SPOCK1: variants seen among roughly 807,000 people sequenced by gnomAD.
SPOCK1 encodes SPARC (osteonectin), cwcv and kazal like domains proteoglycan 1, also known as testican-1.
A neutral mutation model predicts 55.3 loss-of-function variants in SPOCK1; 23 were observed. The observed-to-expected ratio is 0.42, with a 90% confidence interval of 0.30 to 0.59. The LOEUF (loss-of-function observed/expected upper bound fraction) is 0.59. Ranked by LOEUF, SPOCK1 falls within the 20% of genes least tolerant of loss-of-function variation. SPOCK1 has a pLI of 0.22. For synonymous variants in SPOCK1, 226 were observed against 221.0 expected, an observed-to-expected ratio of 1.02 and a Z score of -0.20; for missense variants, 499 against 552.5, an observed-to-expected ratio of 0.90 and a Z score of 0.97.
intron 3 of SPOCK1, among the ~76,000 whole-genome samples, chr5:137,182,306 C>T (rs1456129934): frequency 2.6e-5 from 4 of 152,196 alleles, no homozygotes; most frequent in Non-Finnish European, 5.9e-5. Flanking sequence ...CGGGTCTTTG[C>T]TCCTGCAGTG....
At chr5:137,266,311 A>G (rs904849500) in intron 3 of SPOCK1, among the ~76,000 whole-genome samples, 2 of 152,290 alleles carry the variant, frequency 1.3e-5, no homozygotes, top group Non-Finnish European at 2.9e-5. Context: ...AGTGCAATCT[A>G]CCATCATTTT....
chr5:137,211,027 C>T (rs924802125), intron 3 of SPOCK1, among the ~76,000 whole-genome samples: 2 of 152,174 alleles, frequency 1.3e-5, no homozygotes, highest in African/African-American at 4.8e-5. Context: ...GAGAGACAAG[C>T]TGGGGTCATA....
chr5:137,377,429 TC>T (rs1430860813), intron 2 of SPOCK1, among the ~76,000 whole-genome samples: 1 of 152,204 alleles, frequency 6.6e-6, no homozygotes. Flanking sequence ...TATAAATTCC[TC>T]CTCTCAAGGG....
chr5:137,098,016 T>C (rs990482324), intron 5 of SPOCK1, among the ~76,000 whole-genome samples: 1 of 152,160 alleles, frequency 6.6e-6, no homozygotes, highest in Admixed American at 6.5e-5. Context: ...GGGGGAGGAC[T>C]GGTGTGCTAC....
chr5:137,372,126 C>T (rs953859945), intron 2 of SPOCK1, among the ~76,000 whole-genome samples: 4 of 152,158 alleles, frequency 2.6e-5, no homozygotes, highest in African/African-American at 9.7e-5. Flanking sequence ...CCAGCACGTC[C>T]CACTGTGAGC....
At chr5:137,252,431 G>A (rs555080820) in intron 3 of SPOCK1, among the ~76,000 whole-genome samples, 1 of 152,338 alleles carries the variant, frequency 6.6e-6, no homozygotes, top group East Asian at 1.9e-4. Context: ...AGCAGCCACT[G>A]AGAATATTGT....
chr5:137,179,880 C>G (rs989288987), intron 3 of SPOCK1, among the ~76,000 whole-genome samples: 3 of 152,172 alleles, frequency 2.0e-5, no homozygotes, highest in African/African-American at 7.2e-5. Context: ...GTGTCATGTG[C>G]TCCTTGAAGA....
At chr5:137,023,009 A>G (rs529855056) in intron 6 of SPOCK1, among the ~76,000 whole-genome samples, 1 of 152,262 alleles carries the variant, frequency 6.6e-6, no homozygotes, top group South Asian at 2.1e-4. Context: ...CCTAGCAAAT[A>G]AGAGAGGCAG....
chr5:137,006,539 A>C (rs1462252943), intron 6 of SPOCK1, among the ~76,000 whole-genome samples: 1 of 152,148 alleles, frequency 6.6e-6, no homozygotes, highest in Non-Finnish European at 1.5e-5. Flanking sequence ...ATTTTTGCAC[A>C]TTGATTTTGT....
intron 2 of SPOCK1, among the ~76,000 whole-genome samples, chr5:137,301,266 G>C (rs555209124): frequency 6.6e-6 from 1 of 152,200 alleles, no homozygotes; most frequent in Non-Finnish European, 1.5e-5. Context: ...CCTGGACAAA[G>C]AGCAGATCCC....
At position 136,978,599 on chromosome 5, in the gene SPOCK1, A is replaced by T. The variant is rs914368313; in HGVS notation, c.*55T>A. On this transcript the variant is annotated 3_prime_UTR_variant, in exon 11 of 11. Coordinates refer to ENST00000394945, the MANE Select transcript of SPOCK1 (RefSeq NM_004598.4). Reference sequence around the variant, plus strand: ...TTGGAGTCTTAGATACAAATGCAGGAATAGGAAGTGACTTGCAATTTTGTG... The same window carrying T: ...TTGGAGTCTTAGATACAAATGCAGGTATAGGAAGTGACTTGCAATTTTGTG... The T allele has an allele frequency of 1.3e-6, 2 of 1,543,442 alleles. No homozygotes were observed. Among genetic ancestry groups the T allele is most frequent in the East Asian group, 2.3e-5 (1 of 44,284 alleles).
At chr5:137,006,954 C>G (rs138153001) in intron 6 of SPOCK1, among the ~76,000 whole-genome samples, 11 of 152,046 alleles carry the variant, frequency 7.2e-5, no homozygotes, top group Non-Finnish European at 1.0e-4. Context: ...ATTGAGAAAT[C>G]GTGGTTTTTG....
intron 9 of SPOCK1, 100 bp from the exon 10 acceptor site, chr5:136,979,569 C>G (rs994503761): frequency 2.1e-6 from 3 of 1,453,150 alleles, no homozygotes; most frequent in East Asian, 2.3e-5. Context: ...GTCAGAATAT[C>G]TGCTGCAGGG....
At chr5:137,309,564 T>G (rs1222663253) in intron 2 of SPOCK1, among the ~76,000 whole-genome samples, 2 of 152,214 alleles carry the variant, frequency 1.3e-5, no homozygotes. Context: ...ACACATCCTA[T>G]GTGTCTGATG....
chr5:137,024,369 G>A (rs1170802182), intron 6 of SPOCK1, among the ~76,000 whole-genome samples: 1 of 150,032 alleles, frequency 6.7e-6, no homozygotes, highest in Non-Finnish European at 1.5e-5. Flanking sequence ...CAACACTGAT[G>A]TAAAGCTGGG....
In SPOCK1 at chr5:136,978,109, A is replaced by G; in HGVS notation, c.*545T>C. ...AAGGCTGTTGTTTATAGGAAGCCAG[A>G]TATAATGATGTGAAAAAAACTAATT... On this transcript the variant is annotated 3_prime_UTR_variant, in exon 11 of 11. Coordinates refer to ENST00000394945, the MANE Select transcript of SPOCK1 (RefSeq NM_004598.4). 1 of 396,416 alleles carries G rather than the reference A, an allele frequency of 2.5e-6. No individual in the cohort carries two copies. The highest frequency in any genetic ancestry group is 4.4e-6 in the Non-Finnish European group (1 of 224,852). 24.6% of individuals were successfully genotyped at this position (396,416 alleles called of 1,614,324 possible).
intron 9 of SPOCK1, among the ~76,000 whole-genome samples, chr5:136,980,909 A>G (rs967640692): frequency 1.3e-5 from 2 of 152,134 alleles, no homozygotes; most frequent in Admixed American, 6.6e-5. Flanking sequence ...TGAGGGATGA[A>G]AGTAGCATTT....
intron 3 of SPOCK1, among the ~76,000 whole-genome samples, chr5:137,160,530 A>AT (rs1230998369): frequency 4.9e-5 from 3 of 60,652 alleles, no homozygotes; most frequent in African/African-American, 1.9e-4. Context: ...TATAATATAT[A>AT]AAAATATATA....
At chr5:137,307,679 C>T (rs879874586) in intron 2 of SPOCK1, among the ~76,000 whole-genome samples, 8 of 152,218 alleles carry the variant, frequency 5.3e-5, no homozygotes, top group Admixed American at 1.3e-4. Flanking sequence ...GTGACCACTT[C>T]GGTGACTTAG....
Sources: allele counts gnomAD v4.1 joint callset (sites outside exome capture counted in the v4.1 genomes callset), GRCh38; gene constraint gnomAD v4.1.1; transcripts MANE v1.5; gene names NCBI Gene and HGNC (gene_info 2026-07-23, HGNC 2026-07-21).